The following SFMBT1 variants were observed in gnomAD, a reference collection of about 807,000 sequenced individuals.
SFMBT1 encodes scm-like with four MBT domains protein 1.
In SFMBT1, 32 loss-of-function variants were observed where a neutral mutation model predicts 108.7. The observed-to-expected ratio is 0.29, with a 90% CI of 0.22 to 0.40. The LOEUF is 0.40. Among genes scored for constraint, SFMBT1 ranks in the 10% least tolerant of loss-of-function variants. The pLI, the probability that SFMBT1 is intolerant of heterozygous loss-of-function variation, is 1.00. For synonymous variants in SFMBT1, 348 were observed against 369.5 expected, an observed-to-expected ratio of 0.94 and a Z score of 0.67; for missense variants, 816 against 1,059.6, an observed-to-expected ratio of 0.77 and a Z score of 3.19.
At chr3:53,003,893 A>T (rs368782036) in intron 1 of SFMBT1, among the ~76,000 whole-genome samples, 29 of 150,280 alleles carry the variant, frequency 1.9e-4, no homozygotes, top group African/African-American at 7.0e-4. Context: ...CTGAGAAATC[A>T]ACAATACTTA....
intron 1 of SFMBT1, among the ~76,000 whole-genome samples, chr3:53,027,776 T>C (rs1699545812): frequency 6.6e-6 from 1 of 152,188 alleles, no homozygotes; most frequent in Admixed American, 6.5e-5. Flanking sequence ...CACAGGAAAT[T>C]TGCTTCCTCT....
chr3:52,921,784 C>T lies in SFMBT1; in HGVS notation c.1179G>A (p.Val393=). The change falls in exon 11 of 21, where the codon GTG becomes GTA. Residue 393 remains valine, a synonymous_variant. Transcript: ENST00000394752. ...ACACTTCTTCAGGGAGAATGGGGTT[C>T]ACCGCCTCGAGCTTCATGTTCTCCT... ...EFKENMKLEA[V]NPILPEEVCV... 1.2e-6 allele frequency: 2 copies of T among 1,614,078 alleles called. No individual in the cohort carries two copies. The highest frequency in any genetic ancestry group is 8.5e-7 in the Non-Finnish European group (1 of 1,179,994).
chr3:52,932,067 G>T lies in SFMBT1; in HGVS notation c.695C>A (p.Pro232His). The T allele has an allele frequency of 6.2e-7, 1 of 1,613,476 alleles. No homozygotes were observed. Among genetic ancestry groups the T allele is most frequent in the South Asian group, 1.1e-5 (1 of 91,040 alleles). ...AAQQGYELQPPSAIRHLKNEA... is the reference protein window; with the variant it reads ...AAQQGYELQPHSAIRHLKNEA... ...AATGTCCTATTACTCTTCACCTGAA[G>T]GGGGCTGAAGCTCATATCCCTGTTG... Residue 232 changes from proline (P) to histidine (H), a missense_variant, in exon 6 of 21, where the codon CCT (proline) becomes CAT (histidine). Pro to His is a moderately conservative substitution (Grantham distance 77). Transcript: ENST00000394752.
chr3:52,938,105 C>T (rs1210011845), intron 4 of SFMBT1, among the ~76,000 whole-genome samples: 1 of 152,148 alleles, frequency 6.6e-6, no homozygotes, highest in Non-Finnish European at 1.5e-5. Context: ...TCAAGACTGA[C>T]AGCTGGTTTC....
chr3:52,974,427 TTC>T (rs1324458031), intron 1 of SFMBT1, among the ~76,000 whole-genome samples: 3 of 152,200 alleles, frequency 2.0e-5, no homozygotes, highest in Non-Finnish European at 4.4e-5. Flanking sequence ...AGGTGTAGTT[TTC>T]TGTCAGCCTT....
At chr3:53,027,969 T>C (rs62255895) in intron 1 of SFMBT1, among the ~76,000 whole-genome samples, 41,026 of 152,174 alleles carry the variant, frequency 0.27, 6,098 homozygotes, top group Middle Eastern at 0.4. Flanking sequence ...ACAGTAGGCA[T>C]AAATGGGTTA....
At chr3:52,990,089 T>C (rs1705071333) in intron 1 of SFMBT1, among the ~76,000 whole-genome samples, 2 of 152,202 alleles carry the variant, frequency 1.3e-5, no homozygotes, top group Non-Finnish European at 2.9e-5. Flanking sequence ...TTCATTTTAA[T>C]TGTTGCATTT....
chr3:53,003,121 C>CAAAA (rs397894876), intron 1 of SFMBT1, among the ~76,000 whole-genome samples: 92 of 61,938 alleles, frequency 1.5e-3, no homozygotes, highest in Middle Eastern at 0.021. Context: ...GACTCCATCA[C>CAAAA]AAAAAAAAAA....
Position 52,945,136 on chromosome 3 carries a change from T to TAAAAAA in SFMBT1, c.124-1549_124-1544dup, listed in dbSNP as rs367727549. Among the ~76,000 whole-genome samples the TAAAAAA allele has an allele frequency of 4.3e-3, 207 of 48,534 alleles. 41 individuals carry two copies. The highest frequency in any genetic ancestry group is 0.033 in the East Asian group (47 of 1,442). 31.8% of individuals were successfully genotyped at this position (48,534 alleles called of 152,430 possible). A position where few individuals can be genotyped will look rare whatever the true frequency, so the allele number is the denominator to read the frequency against. Reference sequence around the variant, plus strand: ...TGATTTCCAAATACCACCTTCCAATTAAAAAAAAAAAAAAACAAGGACTTC... The same window carrying TAAAAAA: ...TGATTTCCAAATACCACCTTCCAATTAAAAAAAAAAAAAAAAAAAAACAAGGACTTC... On this transcript the variant is annotated intron_variant, in intron 3 of 20. Coordinates refer to ENST00000394752, the MANE Select transcript of SFMBT1 (RefSeq NM_016329.4).
chr3:52,967,425 G>A (rs1356929931), intron 2 of SFMBT1, among the ~76,000 whole-genome samples: 2 of 152,114 alleles, frequency 1.3e-5, no homozygotes, highest in African/African-American at 4.8e-5. Flanking sequence ...GGGTGGAAAA[G>A]GAAATGATGG....
intron 1 of SFMBT1, among the ~76,000 whole-genome samples, chr3:53,002,183 G>A (rs1048330817): frequency 3.3e-5 from 5 of 149,364 alleles, no homozygotes; most frequent in Admixed American, 1.4e-4. Context: ...GGTGGATCAC[G>A]GGGTTAGGAG....
In SFMBT1 at chr3:52,928,446, TTAA is replaced by T. The variant is rs1336526128; in HGVS notation, c.898-108_898-106del. 2.6e-6 allele frequency: 3 copies of T among 1,147,414 alleles called. No homozygotes were observed. In the East Asian group the frequency reaches 7.6e-5, roughly 29 times the overall value. 71.1% of individuals were successfully genotyped at this position (1,147,414 alleles called of 1,614,324 possible). A position where few individuals can be genotyped will look rare whatever the true frequency, so the allele number is the denominator to read the frequency against. ...ACAAAAGTTCATACTCATGTGGGTA[TTAA>T]TAATACTAAACACTAAATGTTAGCT... On this transcript the variant is annotated intron_variant, in intron 8 of 20. Transcript: ENST00000394752.
intron 3 of SFMBT1, among the ~76,000 whole-genome samples, chr3:52,951,861 A>C (rs1258515304): frequency 6.6e-6 from 1 of 152,252 alleles, no homozygotes; most frequent in East Asian, 1.9e-4. Context: ...GACATGTTAC[A>C]GTGCTGCAGA....
At chr3:53,037,642 C>G (rs1417366320) in intron 1 of SFMBT1, among the ~76,000 whole-genome samples, 2 of 152,100 alleles carry the variant, frequency 1.3e-5, no homozygotes, top group Non-Finnish European at 2.9e-5. Flanking sequence ...CTATCTTTAG[C>G]TAGACCACCC....
chr3:52,918,659 G>GTA (rs10633605), intron 12 of SFMBT1, 133 bp from the exon 13 acceptor site: 75,496 of 381,372 alleles, frequency 0.2, 5,547 homozygotes, highest in Admixed American at 0.34. Flanking sequence ...ATGTGTGTGT[G>GTA]TATATATATA....
intron 2 of SFMBT1, among the ~76,000 whole-genome samples, chr3:52,967,587 AG>A (rs1704189412): frequency 6.6e-6 from 1 of 152,234 alleles, no homozygotes; most frequent in Admixed American, 6.5e-5. Context: ...ATTTCAATAA[AG>A]TTTTTTGAAA....
At chr3:53,012,012 C>A (rs1303825035) in intron 1 of SFMBT1, among the ~76,000 whole-genome samples, 1 of 152,206 alleles carries the variant, frequency 6.6e-6, no homozygotes, top group Non-Finnish European at 1.5e-5. Context: ...TAGGAACTAA[C>A]ACTTTTTAAG....
intron 1 of SFMBT1, among the ~76,000 whole-genome samples, chr3:53,029,262 T>C (rs1699602406): frequency 6.6e-6 from 1 of 152,114 alleles, no homozygotes; most frequent in Non-Finnish European, 1.5e-5. Context: ...GTCACACTTT[T>C]TAGGAAAATA....
chr3:52,998,654 GGT>G lies in SFMBT1; in HGVS notation c.-130-29398_-130-29397del, dbSNP rs1698428092. On this transcript the variant is annotated intron_variant, in intron 1 of 20. Transcript: ENST00000394752. ...GCCCACCCACCTGGGCCAATGGACT[GGT>G]TCTGCTCGTGCCACGCTGGTTCTGC... Among the ~76,000 whole-genome samples the G allele has an allele frequency of 1.3e-5, 2 of 150,486 alleles. 1 individual carries two copies. Among genetic ancestry groups the G allele is most frequent in the Non-Finnish European group, 3.0e-5 (2 of 67,170 alleles).
Sources: gnomAD v4.1 joint callset for allele counts (sites outside exome capture counted in the v4.1 genomes callset) on GRCh38, gnomAD v4.1.1 for gene constraint, MANE v1.5 for transcripts, NCBI Gene and HGNC (gene_info 2026-07-23, HGNC 2026-07-21) for gene names.